The following MAST3 variants were observed in gnomAD, a reference collection of about 807,000 sequenced individuals.
MAST3 encodes microtubule-associated serine/threonine-protein kinase 3.
Under a neutral mutation model 127.0 loss-of-function variants are expected in MAST3, and 43 were observed. The observed-to-expected ratio is 0.34, with a 90% CI of 0.27 to 0.44. The LOEUF (loss-of-function observed/expected upper bound fraction) is 0.44, where lower values mean the gene tolerates loss of function less well. MAST3 is among the 20% of genes least tolerant of loss of function. The probability of loss-of-function intolerance (pLI) is 1.00; values close to 1 mark genes in which losing one functional copy is unlikely to be tolerated. For missense variants in MAST3, 1,390 were observed against 1,919.1 expected (o/e 0.72, Z 5.15); for synonymous variants, 785 against 809.2 (o/e 0.97, Z 0.51).
At chr19:18,102,041 C>T (rs1008973402) in intron 1 of MAST3, among the ~76,000 whole-genome samples, 10 of 151,828 alleles carry the variant, frequency 6.6e-5, no homozygotes, top group Admixed American at 4.6e-4. Context: ...CCACCACACC[C>T]GGCTAATTTT....
chr19:18,149,074 T>C lies in MAST3; in HGVS notation c.3509-117T>C. The C allele has an allele frequency of 8.8e-7, 1 of 1,139,876 alleles. No individual in the cohort carries two copies. Among genetic ancestry groups the C allele is most frequent in the East Asian group, 3.2e-5 (1 of 31,248 alleles). The allele number at this position is 1,139,876 out of a possible 1,614,324, so 70.6% of individuals were successfully genotyped here. A position where few individuals can be genotyped will look rare whatever the true frequency, so the allele number is the denominator to read the frequency against. On this transcript the variant is annotated intron_variant, in intron 27 of 27. Transcript: ENST00000687212. The surrounding 1 kb of genome is among the most constrained non-coding windows in gnomAD (Gnocchi z 5.9). ...TCTCAAAAACAAAAACAACCAGGCA[T>C]GATGGGTGGCCACATGGAAGGATGT...
chr19:18,115,249 G>T (rs938855783), intron 3 of MAST3, among the ~76,000 whole-genome samples: 2 of 152,098 alleles, frequency 1.3e-5, no homozygotes, highest in African/African-American at 4.8e-5. Flanking sequence ...CCTCTGGATT[G>T]TCAGCTGCAG....
Position 18,098,433 on chromosome 19 carries a change from G to C in MAST3, c.39+602G>C, listed in dbSNP as rs183645209. Among the ~76,000 whole-genome samples, 757 of 152,204 alleles carry C rather than the reference G, an allele frequency of 5.0e-3. 28 individuals carry two copies. Among genetic ancestry groups the C allele is most frequent in the Admixed American group, 0.044 (665 of 15,268 alleles). ...GCGCTGCCAACCAGCAGTGTGACCT[G>C]GGGGGAGGGCACCCTTGCTTCTCTG... On this transcript the variant is annotated intron_variant, in intron 1 of 27. Coordinates refer to ENST00000687212, the MANE Select transcript of MAST3 (RefSeq NM_001393504.1).
chr19:18,131,030 A>G (rs188334758), intron 14 of MAST3, among the ~76,000 whole-genome samples: 1 of 152,348 alleles, frequency 6.6e-6, no homozygotes, highest in Non-Finnish European at 1.5e-5. Context: ...AAGTACTATT[A>G]CCAAAGTACT....
chr19:18,139,119 A>G lies in MAST3; in HGVS notation c.2200A>G (p.Ser734Gly), dbSNP rs2042180977. The change falls in exon 20 of 28, where the codon AGC (serine) becomes GGC (glycine). Residue 734 changes from serine to glycine, a missense_variant. By Grantham distance (56) the Ser-to-Gly change is moderately conservative. Coordinates refer to ENST00000687212, the MANE Select transcript of MAST3 (RefSeq NM_001393504.1). ...GTTCTCCTCCTGCTCCCACCGGTTC[A>G]GCAAGGTGGGCCCGGGTCCCGAGGG... ...PQFSSCSHRF[S>G]KVYSSSEFLA... 2 of 1,598,428 alleles carry G rather than the reference A, an allele frequency of 1.3e-6. No individual in the cohort carries two copies. The highest frequency in any genetic ancestry group is 1.7e-5 in the Admixed American group (1 of 58,072).
intron 20 of MAST3, among the ~76,000 whole-genome samples, chr19:18,141,593 G>T (rs1187069458): frequency 1.3e-5 from 2 of 151,766 alleles, no homozygotes; most frequent in African/African-American, 4.8e-5. Flanking sequence ...GGCTGGTCTT[G>T]AACGCCTGAC....
At chr19:18,107,437 C>G (rs1375254154) in intron 1 of MAST3, 150 bp from the exon 2 acceptor site, 1 of 817,410 alleles carries the variant, frequency 1.2e-6, no homozygotes, top group African/African-American at 1.7e-5. Context: ...AGCGCAAAGG[C>G]CTTGAGGCAG....
chr19:18,117,580 G>A (rs972058816), intron 3 of MAST3, among the ~76,000 whole-genome samples: 3 of 152,178 alleles, frequency 2.0e-5, no homozygotes, highest in African/African-American at 7.2e-5. Context: ...AGAGGACGCA[G>A]TTTTGCCAGG....
chr19:18,122,691 G>A lies in MAST3; in HGVS notation c.339G>A (p.Trp113Ter). 6.2e-7 allele frequency: 1 copy of A among 1,613,308 alleles called. No homozygotes were observed. Among genetic ancestry groups the A allele is most frequent in the Non-Finnish European group, 8.5e-7 (1 of 1,179,624 alleles). ...TCTCCAGGGCAGACGGCAGAAGATGGTCCCTCGCGTCTCTCCCATCTTCCG... is the reference window on the plus strand; with the variant it reads ...TCTCCAGGGCAGACGGCAGAAGATGATCCCTCGCGTCTCTCCCATCTTCCG... ...PFARRADGRR[W>*]SLASLPSSGY... The change falls in exon 6 of 28, where the codon TGG becomes TGA. Residue 113 changes from tryptophan to a stop codon, truncating the protein, a stop_gained. Transcript: ENST00000687212. LOFTEE classifies it high-confidence loss of function.
In MAST3 at chr19:18,112,420, C is replaced by T. The variant is rs908967921; in HGVS notation, c.161+1679C>T. On this transcript the variant is annotated intron_variant, in intron 3 of 27. Transcript: ENST00000687212. The surrounding 1 kb of genome is among the most constrained non-coding windows in gnomAD (Gnocchi z 4.1). The stretch of plus-strand genomic sequence containing the variant: ...TACCATCTTGGCTCACTGCAACCTC[C>T]GCCTCCTAGGTTCAGGTGATTCTCC... Among the ~76,000 whole-genome samples the T allele has an allele frequency of 3.9e-5, 6 of 152,080 alleles. No homozygotes were observed. The highest frequency in any genetic ancestry group is 2.1e-4 in the South Asian group (1 of 4,830).
intron 3 of MAST3, among the ~76,000 whole-genome samples, chr19:18,119,926 C>G (rs1303022059): frequency 1.3e-5 from 2 of 152,214 alleles, no homozygotes; most frequent in Non-Finnish European, 2.9e-5. Context: ...GAGATTCTCC[C>G]GCCGCTGAGC....
At position 18,147,021 on chromosome 19, in the gene MAST3, C is replaced by A; in HGVS notation, c.3303C>A (p.Cys1101Ter). 6.4e-7 allele frequency: 1 copy of A among 1,569,418 alleles called. No individual in the cohort carries two copies. The highest frequency in any genetic ancestry group is 1.2e-5 in the South Asian group (1 of 85,530). ...RSRRRETQDR[C>*]AAVTTRERRK... is the part of the protein sequence containing the mutation. The stretch of plus-strand genomic sequence containing the variant: ...GTCGGCGGGAGACCCAGGATCGGTG[C>A]GCGGCAGTGACCACCAGGGAGCGGT... The change falls in exon 26 of 28, where the codon TGC becomes TGA. Residue 1101 changes from cysteine to a stop codon, truncating the protein, a stop_gained. Transcript: ENST00000687212. LOFTEE classifies it high-confidence loss of function.
At chr19:18,138,636 T>C (rs2042127162) in intron 19 of MAST3, among the ~76,000 whole-genome samples, 1 of 152,190 alleles carries the variant, frequency 6.6e-6, no homozygotes, top group Non-Finnish European at 1.5e-5. Flanking sequence ...TAGCTGGGAT[T>C]ACAGGCGCTT....
At chr19:18,127,705 A>G (rs1190237334) in intron 11 of MAST3, among the ~76,000 whole-genome samples, 1 of 151,684 alleles carries the variant, frequency 6.6e-6, no homozygotes, top group Non-Finnish European at 1.5e-5. Context: ...ATACAAATAC[A>G]AAAATTAGCT....
chr19:18,100,879 G>A lies in MAST3; in HGVS notation c.39+3048G>A, dbSNP rs149399989. Among the ~76,000 whole-genome samples, 400 of 152,318 alleles carry A rather than the reference G, an allele frequency of 2.6e-3. 2 individuals are homozygous for A. The highest frequency in any genetic ancestry group is 9.0e-3 in the African/African-American group (375 of 41,568). The stretch of plus-strand genomic sequence containing the variant: ...GGCCAAAGAGTCCATTCACAAACGG[G>A]TGCTGACCGGCCAATCCAGACGCAT... On this transcript the variant is annotated intron_variant, in intron 1 of 27. Coordinates refer to ENST00000687212, the MANE Select transcript of MAST3 (RefSeq NM_001393504.1).
rs565764563 is a variant in MAST3, at chr19:18,110,795, C to A, written c.161+54C>A. 5 of 865,526 alleles carry A rather than the reference C, an allele frequency of 5.8e-6. No individual in the cohort carries two copies. Among genetic ancestry groups the A allele is most frequent in the Middle Eastern group, 1.2e-3 (2 of 1,674 alleles). The allele number at this position is 865,526 out of a possible 1,614,324, so 53.6% of individuals were successfully genotyped here. A position where few individuals can be genotyped will look rare whatever the true frequency, so the allele number is the denominator to read the frequency against. On this transcript the variant is annotated intron_variant, in intron 3 of 27. Transcript: ENST00000687212. The surrounding 1 kb of genome is among the most constrained non-coding windows in gnomAD (Gnocchi z 4.3). ...CAGACATCGCCCTGGCACCCCAGAGCCTTGGAAACCCTCCAGACTCATCGG... is the reference window on the plus strand; with the variant it reads ...CAGACATCGCCCTGGCACCCCAGAGACTTGGAAACCCTCCAGACTCATCGG...
intron 12 of MAST3, 103 bp downstream of exon 12, chr19:18,128,561 T>G: frequency 8.3e-7 from 1 of 1,203,380 alleles, no homozygotes; most frequent in African/African-American, 1.5e-5. Flanking sequence ...GCATGTAGCT[T>G]AATTAGCATC....
chr19:18,121,665 G>C lies in MAST3; in HGVS notation c.162-20G>C, dbSNP rs368251764. 3.7e-6 allele frequency: 6 copies of C among 1,610,676 alleles called. No homozygotes were observed. Among genetic ancestry groups the C allele is most frequent in the Non-Finnish European group, 4.2e-6 (5 of 1,177,874 alleles). On this transcript the variant is annotated intron_variant, in intron 3 of 27. Transcript: ENST00000687212. ...GGGGCCCTGGGCAGCCACCTACCCT[G>C]TCCCCTTTTCCCCCCACAGCTGCCG... is the stretch of plus-strand genomic sequence containing the variant.
intron 1 of MAST3, 104 bp from the exon 2 acceptor site, chr19:18,107,483 C>A: frequency 8.9e-7 from 1 of 1,123,560 alleles, no homozygotes; most frequent in Non-Finnish European, 1.4e-6. Flanking sequence ...GGGAAAGATG[C>A]ATTGGTTGGG....
Sources: gnomAD v4.1 joint callset for allele counts (sites outside exome capture counted in the v4.1 genomes callset) on GRCh38, gnomAD v4.1.1 for gene constraint, Gnocchi (gnomAD v3.1) non-coding constraint, MANE v1.5 for transcripts, NCBI Gene and HGNC (gene_info 2026-07-23, HGNC 2026-07-21) for gene names.